Variants in KCNIP4 observed in about 807,000 individuals in gnomAD.
KCNIP4 encodes the protein potassium voltage-gated channel interacting protein 4, also known as Kv channel-interacting protein 4.
KCNIP4 carries 12 observed loss-of-function variants against 34.0 expected under a neutral mutation model. That is an observed-to-expected ratio of 0.35 (90% confidence interval 0.23 to 0.57). KCNIP4 has a LOEUF of 0.57. Among genes scored for constraint, KCNIP4 ranks in the 20% least tolerant of loss-of-function variants. The pLI is 0.83. For synonymous variants in KCNIP4, 124 were observed against 102.2 expected, an observed-to-expected ratio of 1.21 and a Z score of -1.29; for missense variants, 238 against 311.7, an observed-to-expected ratio of 0.76 and a Z score of 1.78.
intron 1 of KCNIP4, among the ~76,000 whole-genome samples, chr4:21,691,072 G>A (rs1014766501): frequency 2.0e-5 from 3 of 152,180 alleles, no homozygotes; most frequent in African/African-American, 7.2e-5. Context: ...GAAGCAACAT[G>A]ACCACTGTGA....
intron 1 of KCNIP4, among the ~76,000 whole-genome samples, chr4:21,346,774 GA>G (rs1334607092): frequency 4.6e-5 from 7 of 151,986 alleles, no homozygotes; most frequent in African/African-American, 1.7e-4. Context: ...TGATGCTGCC[GA>G]AACTCAGACC....
chr4:20,826,597 C>G (rs914558996), intron 3 of KCNIP4, among the ~76,000 whole-genome samples: 6 of 141,004 alleles, frequency 4.3e-5, no homozygotes, highest in Non-Finnish European at 9.4e-5. Context: ...TCAAAACAAA[C>G]AAACAAACAA....
At chr4:21,422,891 G>C (rs1467036193) in intron 1 of KCNIP4, among the ~76,000 whole-genome samples, 1 of 152,168 alleles carries the variant, frequency 6.6e-6, no homozygotes, top group African/African-American at 2.4e-5. Flanking sequence ...TGTGACCACT[G>C]GTTGACCAGA....
chr4:20,875,099 A>C (rs1723869482), intron 2 of KCNIP4, among the ~76,000 whole-genome samples: 1 of 151,624 alleles, frequency 6.6e-6, no homozygotes, highest in African/African-American at 2.4e-5. Context: ...CCCAGAGAGA[A>C]GGAAAAAAAA....
At position 21,625,512 on chromosome 4, in the gene KCNIP4, C is replaced by G. The variant is rs377278350; in HGVS notation, c.61+323059G>C. On this transcript the variant is annotated intron_variant, in intron 1 of 8. Coordinates refer to ENST00000382152, the MANE Select transcript of KCNIP4 (RefSeq NM_025221.6). ...CAGTGGAAGTCGAATTTAAATCCCA[C>G]TTCTCTCATTACAAATACTCTTTCC... is the stretch of plus-strand genomic sequence containing the variant. Among the ~76,000 whole-genome samples the G allele has an allele frequency of 1.7e-3, 263 of 152,102 alleles. 10 individuals carry two copies. In the South Asian group the frequency reaches 0.048, roughly 28 times the overall value.
At chr4:21,776,446 T>A (rs1719186403) in intron 1 of KCNIP4, among the ~76,000 whole-genome samples, 1 of 152,216 alleles carries the variant, frequency 6.6e-6, no homozygotes, top group African/African-American at 2.4e-5. Context: ...CCTAAATTTA[T>A]AATATGGTGA....
intron 1 of KCNIP4, among the ~76,000 whole-genome samples, chr4:21,602,641 C>T (rs1743284474): frequency 1.3e-5 from 2 of 152,116 alleles, no homozygotes; most frequent in African/African-American, 2.4e-5. Flanking sequence ...TATTATATTG[C>T]TCAGAATGTA....
chr4:21,874,808 C>A (rs957480868), intron 1 of KCNIP4, among the ~76,000 whole-genome samples: 6 of 152,114 alleles, frequency 3.9e-5, no homozygotes, highest in African/African-American at 1.4e-4. Flanking sequence ...TTTTTACTAC[C>A]TTTCCATATT....
chr4:21,719,680 G>A lies in KCNIP4; in HGVS notation c.61+228891C>T, dbSNP rs1024972936. Among the ~76,000 whole-genome samples the A allele has an allele frequency of 3.3e-5, 5 of 151,952 alleles. No homozygotes were observed. The East Asian group carries it at 7.7e-4, about 24-fold the overall frequency. The stretch of plus-strand genomic sequence containing the variant: ...TGTCAGGTAAAAGAAGAAACAATAG[G>A]GGCCAGGCATGGTGGCTCAAGCCTG... On this transcript the variant is annotated intron_variant, in intron 1 of 8. Transcript: ENST00000382152.
chr4:21,247,546 T>G (rs1479479569), intron 1 of KCNIP4, among the ~76,000 whole-genome samples: 1 of 143,328 alleles, frequency 7.0e-6, no homozygotes, highest in African/African-American at 2.7e-5. Context: ...ACAAGAAATA[T>G]GTATATCTAT....
chr4:21,040,847 G>A (rs1054745210), intron 1 of KCNIP4, among the ~76,000 whole-genome samples: 2 of 150,836 alleles, frequency 1.3e-5, no homozygotes, highest in African/African-American at 4.9e-5. Flanking sequence ...AATATAAGAA[G>A]CGTTTTTTTT....
intron 1 of KCNIP4, among the ~76,000 whole-genome samples, chr4:21,393,863 G>A (rs1722755561): frequency 6.6e-6 from 1 of 152,108 alleles, no homozygotes; most frequent in African/African-American, 2.4e-5. Flanking sequence ...TTAGTAGAGT[G>A]TTGATAAACA....
chr4:20,937,052 AAAG>A (rs1731141556), intron 1 of KCNIP4, among the ~76,000 whole-genome samples: 1 of 151,840 alleles, frequency 6.6e-6, no homozygotes, highest in African/African-American at 2.4e-5. Flanking sequence ...TTATGAAAGG[AAAG>A]AAGAGGGGTA....
At chr4:21,217,356 C>A (rs915845298) in intron 1 of KCNIP4, among the ~76,000 whole-genome samples, 1 of 152,052 alleles carries the variant, frequency 6.6e-6, no homozygotes, top group Non-Finnish European at 1.5e-5. Context: ...TCTACATGGT[C>A]GTTTTTGATG....
At chr4:21,233,550 A>C (rs1034990139) in intron 1 of KCNIP4, among the ~76,000 whole-genome samples, 3 of 152,016 alleles carry the variant, frequency 2.0e-5, no homozygotes, top group African/African-American at 7.2e-5. Context: ...ACCAGAGCCC[A>C]GGAGAGGTGG....
At chr4:21,855,784 G>A (rs1724714237) in intron 1 of KCNIP4, 1 of 152,156 alleles carries the variant, frequency 6.6e-6, no homozygotes, top group Non-Finnish European at 1.5e-5. Context: ...TGGACAGTCT[G>A]AAACTATCTT....
At chr4:21,176,641 G>A (rs1754431879) in intron 1 of KCNIP4, among the ~76,000 whole-genome samples, 1 of 152,158 alleles carries the variant, frequency 6.6e-6, no homozygotes, top group Admixed American at 6.5e-5. Flanking sequence ...TCCTGCCTTA[G>A]TCACCCAAGT....
Position 21,356,942 on chromosome 4 carries a change from C to T in KCNIP4, c.62-474233G>A, listed in dbSNP as rs546650946. Among the ~76,000 whole-genome samples the T allele has an allele frequency of 4.6e-4, 70 of 152,308 alleles. 1 individual carries two copies. In the East Asian group the frequency reaches 0.013, roughly 28 times the overall value. ...TACTACAAGGCTATAGTAACAAAAACAGCATGGTACTGGTACCAAAACAGA... is the reference window on the plus strand; with the variant it reads ...TACTACAAGGCTATAGTAACAAAAATAGCATGGTACTGGTACCAAAACAGA... On this transcript the variant is annotated intron_variant, in intron 1 of 8. Transcript: ENST00000382152.
intron 3 of KCNIP4, among the ~76,000 whole-genome samples, chr4:20,825,450 A>G (rs912900576): frequency 6.6e-6 from 1 of 152,126 alleles, no homozygotes; most frequent in South Asian, 2.1e-4. Context: ...TTGAATTTGA[A>G]TGACTAGGGA....
Sources: gnomAD v4.1 joint callset for allele counts (sites outside exome capture counted in the v4.1 genomes callset) on GRCh38, gnomAD v4.1.1 for gene constraint, MANE v1.5 for transcripts, NCBI Gene and HGNC (gene_info 2026-07-23, HGNC 2026-07-21) for gene names.